The following PADI4 variants were observed in gnomAD, a reference collection of about 807,000 sequenced individuals.
PADI4 encodes protein-arginine deiminase type-4.
Under a neutral mutation model 75.0 loss-of-function variants are expected in PADI4, and 62 were observed. The ratio of observed to expected loss-of-function variants is 0.83; its 90% CI spans 0.67 to 1.02. The LOEUF (loss-of-function observed/expected upper bound fraction) is 1.02. PADI4 is among the 50% of genes least tolerant of loss of function. PADI4 has a pLI of 0.00. For missense variants in PADI4, 845 were observed against 850.5 expected, an observed-to-expected ratio of 0.99 and a Z score of 0.08; for synonymous variants, 361 against 348.1, an observed-to-expected ratio of 1.04 and a Z score of -0.41.
intron 1 of PADI4, among the ~76,000 whole-genome samples, chr1:17,319,908 T>C (rs1270519749): frequency 1.3e-5 from 2 of 152,208 alleles, no homozygotes; most frequent in South Asian, 2.1e-4. Context: ...CAGTTTACTA[T>C]GTACGAAAAA....
intron 3 of PADI4, among the ~76,000 whole-genome samples, chr1:17,335,586 A>G (rs2074295332): frequency 6.6e-6 from 1 of 152,244 alleles, no homozygotes; most frequent in Non-Finnish European, 1.5e-5. Context: ...CCTTGCAGTC[A>G]TATATTCGGA....
At chr1:17,324,910 C>T (rs1038727899) in intron 1 of PADI4, among the ~76,000 whole-genome samples, 14 of 152,256 alleles carry the variant, frequency 9.2e-5, no homozygotes, top group African/African-American at 3.4e-4. Context: ...CTCCAGCCAT[C>T]TGCAAGCCTA....
Position 17,359,288 on chromosome 1 carries a change from C to G in PADI4, c.1638C>G (p.Ile546Met). 1.4e-6 allele frequency: 2 copies of G among 1,477,944 alleles called. No individual in the cohort carries two copies. The highest frequency in any genetic ancestry group is 2.2e-5 in the South Asian group (2 of 89,294). 91.6% of individuals were successfully genotyped at this position (1,477,944 alleles called of 1,614,324 possible). A position where few individuals can be genotyped will look rare whatever the true frequency, so the allele number is the denominator to read the frequency against. Residue 546 changes from isoleucine (I) to methionine (M), a missense_variant, in exon 15 of 16, where the codon ATC (isoleucine) becomes ATG (methionine). Physicochemically the swap from Ile to Met is conservative, Grantham distance 10 (BLOSUM62 1). Coordinates refer to ENST00000375448, the MANE Select transcript of PADI4 (RefSeq NM_012387.3). ...CCTGCCCCTTCCCCAAGAGATGCAT[C>G]GACTGGAACCGCGAGCTGCTGAAGC... ...REHNSFVERC[I>M]DWNRELLKRE...
At position 17,334,014 on chromosome 1, in the gene PADI4, G is replaced by A; in HGVS notation, c.340+5G>A. The A allele has an allele frequency of 6.3e-7, 1 of 1,589,888 alleles. No homozygotes were observed. Among genetic ancestry groups the A allele is most frequent in the South Asian group, 1.1e-5 (1 of 90,640 alleles). On this transcript the variant is annotated splice_donor_5th_base_variant and intron_variant, in intron 3 of 15. Coordinates refer to ENST00000375448, the MANE Select transcript of PADI4 (RefSeq NM_012387.3). ...TACTCTACCTCACCGGGGTGGGTAA[G>A]TGACAACCAGGATCCTAGAGTGCCG... is the stretch of plus-strand genomic sequence containing the variant.
At chr1:17,316,607 A>G (rs1353522961) in intron 1 of PADI4, among the ~76,000 whole-genome samples, 1 of 149,994 alleles carries the variant, frequency 6.7e-6, no homozygotes, top group African/African-American at 2.5e-5. Flanking sequence ...GGAGAATGGC[A>G]TGAACCTGGG....
chr1:17,354,304 A>G (rs905353527), intron 10 of PADI4, among the ~76,000 whole-genome samples: 1 of 152,184 alleles, frequency 6.6e-6, no homozygotes, highest in Admixed American at 6.5e-5. Context: ...TTTACCAAGC[A>G]GCTGGCACGC....
intron 11 of PADI4, among the ~76,000 whole-genome samples, chr1:17,354,941 A>G (rs1442607162): frequency 1.3e-5 from 2 of 152,240 alleles, no homozygotes; most frequent in Non-Finnish European, 2.9e-5. Context: ...ATGTTCTGGG[A>G]GCTGGGAATG....
At chr1:17,347,118 G>A (rs567500081) in intron 9 of PADI4, among the ~76,000 whole-genome samples, 2 of 151,852 alleles carry the variant, frequency 1.3e-5, no homozygotes, top group African/African-American at 4.8e-5. Context: ...TGTATTTTTA[G>A]TAGAGATGGG....
intron 2 of PADI4, among the ~76,000 whole-genome samples, chr1:17,332,959 G>T (rs550378941): frequency 6.6e-6 from 1 of 152,332 alleles, no homozygotes; most frequent in Admixed American, 6.5e-5. Context: ...TGAGACACGT[G>T]TTGGGGAAAC....
At chr1:17,329,276 A>G (rs1490359009) in intron 1 of PADI4, among the ~76,000 whole-genome samples, 1 of 150,752 alleles carries the variant, frequency 6.6e-6, no homozygotes, top group East Asian at 1.9e-4. Flanking sequence ...CAGTGAGCCA[A>G]GATCACGCCA....
intron 3 of PADI4, chr1:17,334,414 T>C (rs1157639831): frequency 8.7e-6 from 4 of 461,584 alleles, no homozygotes; most frequent in Non-Finnish European, 1.3e-5. Flanking sequence ...GCGATCCTCC[T>C]GCTTCAGCGT....
In PADI4 at chr1:17,346,345, T is replaced by A. The variant is rs185528234; in HGVS notation, c.1047+206T>A. Among the ~76,000 whole-genome samples the A allele has an allele frequency of 1.7e-3, 259 of 152,280 alleles. 6 individuals are homozygous for A. Among genetic ancestry groups the A allele is most frequent in the Non-Finnish European group, 4.1e-4 (28 of 68,006 alleles). On this transcript the variant is annotated intron_variant, in intron 9 of 15. Coordinates refer to ENST00000375448, the MANE Select transcript of PADI4 (RefSeq NM_012387.3). This position sits in a 1 kb window ranked among gnomAD's most constrained non-coding sequence, Gnocchi z 4.3. The stretch of plus-strand genomic sequence containing the variant: ...TTGCTGTGGGCCACTGCAGGCCCAC[T>A]GCAGTCACCAAGATGAAGCCACCTT...
intron 9 of PADI4, 97 bp from the exon 10 acceptor site, chr1:17,347,844 G>T (rs959161246): frequency 3.2e-6 from 2 of 623,112 alleles, no homozygotes; most frequent in African/African-American, 1.8e-5. Flanking sequence ...GACTGCAAGG[G>T]TGAGAGTGAG....
At chr1:17,361,250 T>C (rs1202486674) in intron 15 of PADI4, among the ~76,000 whole-genome samples, 1 of 152,162 alleles carries the variant, frequency 6.6e-6, no homozygotes, top group Non-Finnish European at 1.5e-5. Context: ...GAATAAAGGG[T>C]TCCTTGGCCA....
intron 10 of PADI4, among the ~76,000 whole-genome samples, chr1:17,352,280 G>C (rs1406209582): frequency 6.6e-6 from 1 of 151,376 alleles, no homozygotes; most frequent in Non-Finnish European, 1.5e-5. Context: ...GAGGAGATGG[G>C]GGGCAGTAGA....
chr1:17,335,006 G>T (rs182408922), intron 3 of PADI4, among the ~76,000 whole-genome samples: 3 of 152,176 alleles, frequency 2.0e-5, no homozygotes, highest in Admixed American at 2.0e-4. Context: ...AGCTGAGCAT[G>T]GTGGCATGTG....
At chr1:17,358,634 A>G (rs2074800499) in intron 13 of PADI4, among the ~76,000 whole-genome samples, 1 of 151,772 alleles carries the variant, frequency 6.6e-6, no homozygotes, top group African/African-American at 2.4e-5. Flanking sequence ...GGTGAGAACA[A>G]CATTTTTAAT....
intron 10 of PADI4, among the ~76,000 whole-genome samples, chr1:17,353,877 C>T (rs1028924464): frequency 3.3e-5 from 5 of 152,172 alleles, no homozygotes; most frequent in African/African-American, 1.2e-4. Flanking sequence ...CCAGGAGGAA[C>T]CAGCTCTGCC....
At position 17,342,139 on chromosome 1, in the gene PADI4, C is replaced by T. The variant is rs1345825399; in HGVS notation, c.831+18C>T. The T allele has an allele frequency of 6.2e-7, 1 of 1,610,328 alleles. No homozygotes were observed. Among genetic ancestry groups the T allele is most frequent in the Non-Finnish European group, 8.5e-7 (1 of 1,177,342 alleles). On this transcript the variant is annotated intron_variant, in intron 7 of 15. Coordinates refer to ENST00000375448, the MANE Select transcript of PADI4 (RefSeq NM_012387.3). ...CCAACCTGGTAGGCCGAGAAGGCAG[C>T]CCTGCATCGGGGGCCTGGGCTTCCA... is the stretch of plus-strand genomic sequence containing the variant.
Sources: gnomAD v4.1 joint callset for allele counts (sites outside exome capture counted in the v4.1 genomes callset) on GRCh38, gnomAD v4.1.1 for gene constraint, Gnocchi (gnomAD v3.1) non-coding constraint, MANE v1.5 for transcripts, NCBI Gene and HGNC (gene_info 2026-07-23, HGNC 2026-07-21) for gene names.